The following MDGA2 variants were observed in gnomAD, a reference collection of about 807,000 sequenced individuals.
The protein encoded by MDGA2 is MAM domain-containing glycosylphosphatidylinositol anchor protein 2.
Under a neutral mutation model 117.8 loss-of-function variants are expected in MDGA2, and 40 were observed. The ratio of observed to expected loss-of-function variants is 0.34; its 90% CI spans 0.26 to 0.44. The LOEUF is 0.44. Among genes scored for constraint, MDGA2 ranks in the 20% least tolerant of loss-of-function variants. The pLI, the probability that MDGA2 is intolerant of heterozygous loss-of-function variation, is 1.00. For synonymous variants in MDGA2, 452 were observed against 439.0 expected (o/e 1.03, Z -0.37); for missense variants, 1,123 against 1,250.6 (o/e 0.90, Z 1.54).
At chr14:47,299,616 A>C (rs1889207477) in intron 2 of MDGA2, 1 of 152,214 alleles carries the variant, frequency 6.6e-6, no homozygotes, top group Non-Finnish European at 1.5e-5. Flanking sequence ...AATTAAGTCT[A>C]TCATTGTTTA....
chr14:47,170,382 C>T (rs1884071129), intron 3 of MDGA2, among the ~76,000 whole-genome samples: 1 of 152,070 alleles, frequency 6.6e-6, no homozygotes, highest in Non-Finnish European at 1.5e-5. Context: ...TATGATTTGT[C>T]AGAGCCAACT....
At chr14:47,524,044 C>A (rs1237547358) in intron 1 of MDGA2, among the ~76,000 whole-genome samples, 1 of 152,098 alleles carries the variant, frequency 6.6e-6, no homozygotes, top group Non-Finnish European at 1.5e-5. Context: ...TTATTTCCTC[C>A]TCCAGTTTAA....
chr14:47,135,301 T>C (rs1412694605), intron 4 of MDGA2, among the ~76,000 whole-genome samples: 2 of 152,156 alleles, frequency 1.3e-5, no homozygotes, highest in Non-Finnish European at 2.9e-5. Context: ...TTTACTAATA[T>C]ATTCCTAGTG....
chr14:47,260,633 A>T (rs1391206409), intron 2 of MDGA2, among the ~76,000 whole-genome samples: 2 of 152,108 alleles, frequency 1.3e-5, no homozygotes, highest in Admixed American at 6.6e-5. Context: ...ACCACAGTGA[A>T]AAAATACAAT....
chr14:46,985,150 A>G (rs897379539), intron 8 of MDGA2, among the ~76,000 whole-genome samples: 3 of 152,182 alleles, frequency 2.0e-5, no homozygotes, highest in Admixed American at 6.6e-5. Flanking sequence ...GTGGGATTCA[A>G]TTCCTAGTTT....
chr14:47,173,148 A>T (rs1490475796), intron 3 of MDGA2, among the ~76,000 whole-genome samples: 2 of 152,212 alleles, frequency 1.3e-5, no homozygotes, highest in Non-Finnish European at 2.9e-5. Context: ...ATGGGACTAT[A>T]CGAAAAGACC....
chr14:47,210,085 C>T (rs1366030739), intron 3 of MDGA2, among the ~76,000 whole-genome samples: 1 of 152,008 alleles, frequency 6.6e-6, no homozygotes, highest in Admixed American at 6.6e-5. Context: ...GTTTATAATT[C>T]TTTCTAACAC....
intron 3 of MDGA2, among the ~76,000 whole-genome samples, chr14:47,176,189 T>G (rs1884435858): frequency 1.3e-5 from 2 of 152,046 alleles, no homozygotes; most frequent in Admixed American, 1.3e-4. Flanking sequence ...TGCTCATGGG[T>G]AGGAAGAATC....
chr14:47,115,941 G>A lies in MDGA2; in HGVS notation c.925+15773C>T, dbSNP rs780456441. Among the ~76,000 whole-genome samples, 7 of 151,932 alleles carry A rather than the reference G, an allele frequency of 4.6e-5. No homozygotes were observed. The East Asian group carries it at 7.7e-4, about 17-fold the overall frequency. ...GTGTTAGTCCCAGCCAGAGTAATTC[G>A]GCAAGAAAAAAGAATAGGAGGCATT... On this transcript the variant is annotated intron_variant, in intron 5 of 16. Coordinates refer to ENST00000399232, the MANE Select transcript of MDGA2 (RefSeq NM_001113498.3).
chr14:47,251,017 A>G (rs528471293), intron 2 of MDGA2, among the ~76,000 whole-genome samples: 1 of 152,220 alleles, frequency 6.6e-6, no homozygotes, highest in South Asian at 2.1e-4. Context: ...CCTGTGGTCT[A>G]TTTTTCTTAC....
intron 1 of MDGA2, among the ~76,000 whole-genome samples, chr14:47,317,174 T>C (rs1407508214): frequency 6.6e-6 from 1 of 152,052 alleles, no homozygotes; most frequent in African/African-American, 2.4e-5. Context: ...AATACAAATA[T>C]TTCTGCGCCT....
intron 2 of MDGA2, among the ~76,000 whole-genome samples, chr14:47,294,096 T>G (rs1008462549): frequency 6.8e-6 from 1 of 147,534 alleles, no homozygotes; most frequent in South Asian, 2.2e-4. Context: ...GCCATTGATA[T>G]GGCAATCTTT....
intron 1 of MDGA2, among the ~76,000 whole-genome samples, chr14:47,598,469 C>A (rs1014240588): frequency 6.6e-6 from 1 of 152,144 alleles, no homozygotes; most frequent in African/African-American, 2.4e-5. Context: ...GTGATATATA[C>A]ATACAATCAA....
rs1238976598 is a variant in MDGA2 at position 47,085,024 on chromosome 14, T to TA, written c.1195+11829_1195+11830insT. On this transcript the variant is annotated intron_variant, in intron 6 of 16. Transcript: ENST00000399232. ...AATATAATTAGAAAACCCATGTGTT[T>TA]GAAACTTCAGAAATAAAGTTCTAAA... Among the ~76,000 whole-genome samples the TA allele has an allele frequency of 1.0e-3, 155 of 152,152 alleles. 2 individuals are homozygous for TA. The highest frequency in any genetic ancestry group is 3.5e-3 in the African/African-American group (147 of 41,524).
At chr14:47,171,606 T>G (rs944465607) in intron 3 of MDGA2, among the ~76,000 whole-genome samples, 6 of 152,244 alleles carry the variant, frequency 3.9e-5, no homozygotes, top group Non-Finnish European at 7.3e-5. Context: ...GAATGCATGC[T>G]GCTAATCATT....
At chr14:47,210,729 T>G (rs1314950499) in intron 3 of MDGA2, among the ~76,000 whole-genome samples, 1 of 152,120 alleles carries the variant, frequency 6.6e-6, no homozygotes, top group Non-Finnish European at 1.5e-5. Flanking sequence ...AAAATTACAA[T>G]TGCAGGGGCT....
intron 10 of MDGA2, 87 bp from the exon 11 acceptor site, chr14:46,882,308 T>A: frequency 8.3e-7 from 1 of 1,203,994 alleles, no homozygotes; most frequent in Non-Finnish European, 1.2e-6. Context: ...GAAATTTTAT[T>A]AAATCAAAAA....
chr14:47,042,317 TTTTTTTTTTTTG>T (rs964775247), intron 7 of MDGA2, among the ~76,000 whole-genome samples: 2 of 99,242 alleles, frequency 2.0e-5, no homozygotes, highest in African/African-American at 7.9e-5. Context: ...TCTATGTTTT[TTTTTTTTTTTTG>T]TGTGTGTGTG....
chr14:47,251,405 C>T (rs1887439983), intron 2 of MDGA2, among the ~76,000 whole-genome samples: 1 of 152,054 alleles, frequency 6.6e-6, no homozygotes, highest in African/African-American at 2.4e-5. Flanking sequence ...CATCTCATGC[C>T]CTGTTGTACC....
Sources: allele counts gnomAD v4.1 joint callset (sites outside exome capture counted in the v4.1 genomes callset), GRCh38; gene constraint gnomAD v4.1.1; transcripts MANE v1.5; gene names NCBI Gene and HGNC (gene_info 2026-07-23, HGNC 2026-07-21).